The following IGF1R variants were observed in gnomAD, a reference collection of about 807,000 sequenced individuals.
The protein encoded by IGF1R is insulin-like growth factor 1 receptor.
Under a neutral mutation model 144.6 loss-of-function variants are expected in IGF1R, and 44 were observed. That is an observed-to-expected ratio of 0.30 (90% confidence interval 0.24 to 0.39). The LOEUF (loss-of-function observed/expected upper bound fraction) is 0.39, where lower values mean the gene tolerates loss of function less well. IGF1R is among the 10% of genes least tolerant of loss of function. The pLI is 1.00. For synonymous variants in IGF1R, 795 were observed against 722.8 expected, an observed-to-expected ratio of 1.10 and a Z score of -1.60; for missense variants, 1,355 against 1,833.7, an observed-to-expected ratio of 0.74 and a Z score of 4.77.
chr15:98,652,524 G>C (rs766774677), intron 1 of IGF1R, among the ~76,000 whole-genome samples: 1 of 152,210 alleles, frequency 6.6e-6, no homozygotes, highest in Non-Finnish European at 1.5e-5. Context: ...TGGGGTTTGT[G>C]TCAGGATTTG....
chr15:98,913,064 A>G lies in IGF1R; in HGVS notation c.1610A>G (p.Glu537Gly). 6.2e-7 allele frequency: 1 copy of G among 1,613,720 alleles called. No homozygotes were observed. Among genetic ancestry groups the G allele is most frequent in the Non-Finnish European group, 8.5e-7 (1 of 1,179,576 alleles). ...YKEAPFKNVT[E>G]YDGQDACGSN... ...TTCAGACCCTTTAAGAATGTCACAGAGTATGATGGGCAGGATGCCTGCGGC... is the reference window on the plus strand; with the variant it reads ...TTCAGACCCTTTAAGAATGTCACAGGGTATGATGGGCAGGATGCCTGCGGC... Residue 537 changes from glutamate (E) to glycine (G), a missense_variant, in exon 8 of 21, where the codon GAG becomes GGG. This residue lies in a region of IGF1R where 880 missense variants were observed against 1,202.7 expected (regional missense o/e 0.73). Coordinates refer to ENST00000650285, the MANE Select transcript of IGF1R (RefSeq NM_000875.5).
intron 20 of IGF1R, among the ~76,000 whole-genome samples, chr15:98,949,289 C>T (rs1412531918): frequency 3.9e-5 from 6 of 152,144 alleles, no homozygotes; most frequent in Non-Finnish European, 5.9e-5. Flanking sequence ...GAGCTTCATC[C>T]GCTGACCAAT....
intron 1 of IGF1R, among the ~76,000 whole-genome samples, chr15:98,699,341 T>C (rs1478418476): frequency 1.3e-5 from 2 of 152,156 alleles, no homozygotes; most frequent in Admixed American, 1.3e-4. Flanking sequence ...AGGGACTCTA[T>C]CTCCTGGTGT....
rs774081900 is a variant in IGF1R at position 98,922,134 on chromosome 15, TCTC to T, written c.2202-8_2202-6del. 2.2e-5 allele frequency: 35 copies of T among 1,613,960 alleles called. No individual in the cohort carries two copies. The African/African-American group carries it at 3.3e-4, about 15-fold the overall frequency. On this transcript the variant is annotated splice_polypyrimidine_tract_variant and intron_variant, in intron 10 of 20. Transcript: ENST00000650285. ...TAAAAGTACTTAAAAGCCACATTTCTCTCCTCCTTGCAGACCTGAAAGGAAGCG... is the reference window on the plus strand; with the variant it reads ...TAAAAGTACTTAAAAGCCACATTTCTCTCCTTGCAGACCTGAAAGGAAGCG...
chr15:98,902,659 C>T lies in IGF1R; in HGVS notation c.1247+3038C>T, dbSNP rs547437820. Reference sequence around the variant, plus strand: ...TCAAACTCCTGACCTTGTGATCCGCCCGCCTCAGCCTCCCAATGTGCTGGG... The same window carrying T: ...TCAAACTCCTGACCTTGTGATCCGCTCGCCTCAGCCTCCCAATGTGCTGGG... On this transcript the variant is annotated intron_variant, in intron 5 of 20. Transcript: ENST00000650285. 2.5e-3 allele frequency among the ~76,000 whole-genome samples: 374 copies of T among 152,226 alleles called. 4 individuals carry two copies. Among genetic ancestry groups the T allele is most frequent in the African/African-American group, 6.6e-3 (273 of 41,520 alleles).
chr15:98,934,777 C>T (rs1235567264), intron 15 of IGF1R, 47 bp from the exon 16 acceptor site: 1 of 1,537,896 alleles, frequency 6.5e-7, no homozygotes, highest in Non-Finnish European at 9.0e-7. Flanking sequence ...CACGTTCTGT[C>T]TAAGGGCTTG....
intron 15 of IGF1R, 29 bp from the exon 16 acceptor site, chr15:98,934,795 A>G: frequency 1.3e-6 from 2 of 1,591,586 alleles, no homozygotes; most frequent in Middle Eastern, 3.3e-4. Context: ...TTGTTTCTGT[A>G]CCTGCTTTAA....
At chr15:98,718,353 T>C (rs773584671) in intron 2 of IGF1R, among the ~76,000 whole-genome samples, 8 of 152,172 alleles carry the variant, frequency 5.3e-5, no homozygotes, top group Non-Finnish European at 8.8e-5. Context: ...TGGCCTTGTT[T>C]AGAGAAGCTG....
At chr15:98,743,617 C>T (rs1193858806) in intron 2 of IGF1R, among the ~76,000 whole-genome samples, 13 of 152,178 alleles carry the variant, frequency 8.5e-5, no homozygotes, top group Admixed American at 8.5e-4. Flanking sequence ...TGGAGGCGGG[C>T]CACATGGGGC....
chr15:98,793,095 T>C (rs981076372), intron 2 of IGF1R, among the ~76,000 whole-genome samples: 6 of 152,186 alleles, frequency 3.9e-5, no homozygotes, highest in African/African-American at 1.2e-4. Context: ...CTGTTAGATA[T>C]TACTAATCTG....
chr15:98,714,261 C>T lies in IGF1R; in HGVS notation c.640+6154C>T, dbSNP rs138375874. On this transcript the variant is annotated intron_variant, in intron 2 of 20. Transcript: ENST00000650285. ...TGCTCACAAGGGCAGTGTTGTCTTG[C>T]GGAGTAGAGGCGCTCTCCTTCCCTC... Among the ~76,000 whole-genome samples the T allele has an allele frequency of 6.0e-3, 908 of 152,160 alleles. 5 individuals carry two copies. The highest frequency in any genetic ancestry group is 0.021 in the Middle Eastern group (6 of 290).
In IGF1R at chr15:98,963,189, T is replaced by G. The variant is rs867526198; in HGVS notation, c.*5747T>G. ...TAAAGACACTTTTTTTTTCTCTGTG[T>G]GTGCAAATGTGTGTTTGTGATCCAT... On this transcript the variant is annotated 3_prime_UTR_variant, in exon 21 of 21. Coordinates refer to ENST00000650285, the MANE Select transcript of IGF1R (RefSeq NM_000875.5). 75 of 230,854 alleles carry G rather than the reference T, an allele frequency of 3.2e-4. 1 individual carries two copies. Among genetic ancestry groups the G allele is most frequent in the African/African-American group, 1.5e-3 (66 of 44,268 alleles). The allele number at this position is 230,854 out of a possible 1,614,324, so 14.3% of individuals were successfully genotyped here. A position where few individuals can be genotyped will look rare whatever the true frequency, so the allele number is the denominator to read the frequency against.
intron 1 of IGF1R, among the ~76,000 whole-genome samples, chr15:98,685,896 A>G (rs2053315698): frequency 6.6e-6 from 1 of 152,234 alleles, no homozygotes; most frequent in Non-Finnish European, 1.5e-5. Flanking sequence ...GCAGCTATTG[A>G]GGCTACTTAA....
At chr15:98,939,098 C>T (rs928446005) in intron 17 of IGF1R, 103 bp from the exon 18 acceptor site, 23 of 931,148 alleles carry the variant, frequency 2.5e-5, no homozygotes, top group Admixed American at 1.2e-4. Flanking sequence ...AAACAACCCA[C>T]GGTGCCCAGA....
chr15:98,729,339 C>T (rs2141293670), intron 2 of IGF1R, among the ~76,000 whole-genome samples: 1 of 152,232 alleles, frequency 6.6e-6, no homozygotes, highest in South Asian at 2.1e-4. Flanking sequence ...AGAAGGAATC[C>T]CAGAAAGTAA....
intron 2 of IGF1R, among the ~76,000 whole-genome samples, chr15:98,855,764 G>GC (rs1468202964): frequency 6.6e-6 from 1 of 152,202 alleles, no homozygotes; most frequent in African/African-American, 2.4e-5. Context: ...AGGAAAGTGA[G>GC]CCCCTTAAAG....
rs2017157075 is a variant in IGF1R, at chr15:98,959,903, TTG to T, written c.*2464_*2465del. ...TGTAGGAGTTTTCTTTTAATTTATT[TTG>T]TGATAAATTACCAGTTTCAATCACT... On this transcript the variant is annotated 3_prime_UTR_variant, in exon 21 of 21. Coordinates refer to ENST00000650285, the MANE Select transcript of IGF1R (RefSeq NM_000875.5). 4.3e-6 allele frequency: 1 copy of T among 233,198 alleles called. No homozygotes were observed. The highest frequency in any genetic ancestry group is 6.0e-5 in the East Asian group (1 of 16,606). 14.4% of individuals were successfully genotyped at this position (233,198 alleles called of 1,614,324 possible). A position where few individuals can be genotyped will look rare whatever the true frequency, so the allele number is the denominator to read the frequency against.
At chr15:98,923,301 T>G (rs2015568388) in intron 11 of IGF1R, among the ~76,000 whole-genome samples, 1 of 152,258 alleles carries the variant, frequency 6.6e-6, no homozygotes, top group South Asian at 2.1e-4. Flanking sequence ...GGGCTTGCCC[T>G]GCTCTTAGCA....
chr15:98,718,946 G>T (rs1269185334), intron 2 of IGF1R, among the ~76,000 whole-genome samples: 1 of 151,914 alleles, frequency 6.6e-6, no homozygotes, highest in East Asian at 1.9e-4. Flanking sequence ...TTTGTTCCTG[G>T]GGTGGTAACC....
Sources: allele counts gnomAD v4.1 joint callset (sites outside exome capture counted in the v4.1 genomes callset), GRCh38; gene constraint gnomAD v4.1.1; regional missense constraint gnomAD v4.1.1; transcripts MANE v1.5; gene names NCBI Gene and HGNC (gene_info 2026-07-23, HGNC 2026-07-21).